Variants in ANO4 observed in about 807,000 individuals in gnomAD.
The protein encoded by ANO4 is anoctamin 4.
ANO4 carries 69 observed loss-of-function variants against 141.9 expected under a neutral mutation model. The ratio of observed to expected loss-of-function variants is 0.49; its 90% confidence interval spans 0.40 to 0.59. The LOEUF (loss-of-function observed/expected upper bound fraction) is 0.59, where lower values mean the gene tolerates loss of function less well. ANO4 is among the 20% of genes least tolerant of loss of function. The pLI is 0.00. For synonymous variants in ANO4, 350 were observed against 394.3 expected (o/e 0.89, Z 1.33); for missense variants, 894 against 1,162.2 (o/e 0.77, Z 3.36).
At chr12:101,012,076 G>A (rs2046119445) in intron 8 of ANO4, among the ~76,000 whole-genome samples, 1 of 152,052 alleles carries the variant, frequency 6.6e-6, no homozygotes, top group Admixed American at 6.6e-5. Flanking sequence ...CTGATTTTGA[G>A]AATCTTCAAA....
intron 1 of ANO4, among the ~76,000 whole-genome samples, chr12:100,897,199 T>C (rs1199521170): frequency 1.3e-5 from 2 of 152,184 alleles, no homozygotes; most frequent in Non-Finnish European, 2.9e-5. Context: ...AAGGTATTTT[T>C]GTAATGATTA....
intron 1 of ANO4, among the ~76,000 whole-genome samples, chr12:100,721,275 A>G (rs779053981): frequency 6.6e-6 from 1 of 152,188 alleles, no homozygotes; most frequent in Non-Finnish European, 1.5e-5. Flanking sequence ...CAGGGTTACT[A>G]GAACGAATAA....
chr12:100,876,160 G>A (rs2039290985), intron 1 of ANO4, among the ~76,000 whole-genome samples: 2 of 151,858 alleles, frequency 1.3e-5, no homozygotes, highest in African/African-American at 4.8e-5. Context: ...TATGTAGCTT[G>A]TCCTGGGAGG....
At chr12:100,819,493 T>C (rs376500685) in intron 1 of ANO4, among the ~76,000 whole-genome samples, 15 of 152,140 alleles carry the variant, frequency 9.9e-5, no homozygotes, top group African/African-American at 3.1e-4. Context: ...TCATCAGTGG[T>C]ATAAAAATGA....
chr12:100,783,410 C>T (rs185186222), intron 3 of ANO4, among the ~76,000 whole-genome samples: 18 of 152,278 alleles, frequency 1.2e-4, no homozygotes, highest in East Asian at 1.2e-3. Context: ...CCAGGTACCT[C>T]GTTTTGGCTG....
chr12:100,729,212 T>C (rs895025414), intron 1 of ANO4, among the ~76,000 whole-genome samples: 1 of 152,080 alleles, frequency 6.6e-6, no homozygotes, highest in South Asian at 2.1e-4. Context: ...AGCTTCACTT[T>C]AATTTTCTTT....
chr12:100,724,013 A>G (rs2030984642), intron 1 of ANO4, among the ~76,000 whole-genome samples: 1 of 105,286 alleles, frequency 9.5e-6, no homozygotes, highest in Admixed American at 1.0e-4. Context: ...AAGCAAAACA[A>G]AAACAAACAA....
intron 3 of ANO4, among the ~76,000 whole-genome samples, chr12:100,782,255 A>G (rs537963993): frequency 5.3e-5 from 8 of 152,078 alleles, no homozygotes; most frequent in African/African-American, 1.9e-4. Flanking sequence ...TCCCTCTTAC[A>G]ATCATCTAAT....
intron 1 of ANO4, among the ~76,000 whole-genome samples, chr12:100,839,969 C>T (rs2037149782): frequency 6.6e-6 from 1 of 152,098 alleles, no homozygotes; most frequent in East Asian, 1.9e-4. Flanking sequence ...TATTTGACTG[C>T]ATCAGCTAGT....
chr12:101,092,655 TC>T (rs747425610), intron 17 of ANO4, among the ~76,000 whole-genome samples: 3 of 152,174 alleles, frequency 2.0e-5, no homozygotes, highest in Non-Finnish European at 2.9e-5. Flanking sequence ...CCCTACTGTG[TC>T]CCTGTATGCT....
rs1374965586 is a variant in ANO4 at position 101,043,555 on chromosome 12, G to A, written c.1171G>A (p.Ala391Thr). 1 of 1,613,488 alleles carries A rather than the reference G, an allele frequency of 6.2e-7. No homozygotes were observed. Among genetic ancestry groups the A allele is most frequent in the South Asian group, 1.1e-5 (1 of 91,038 alleles). The change falls in exon 13 of 28, where the codon GCT becomes ACT. Residue 391 changes from alanine to threonine, a missense_variant. Physicochemically the swap from Ala to Thr is moderately conservative, Grantham distance 58 (BLOSUM62 0). Transcript: ENST00000392977. ...CTTTTCCAGTAAAGAAGTCTGCCAA[G>A]CTACAGATATCATCATGTGTCCTGT... The part of the protein sequence containing the change: ...HSQVSKEVCQ[A>T]TDIIMCPVCD...
At chr12:100,987,967 C>T (rs917533740) in intron 8 of ANO4, among the ~76,000 whole-genome samples, 5 of 152,310 alleles carry the variant, frequency 3.3e-5, no homozygotes, top group South Asian at 2.1e-4. Context: ...TCTCATTGCT[C>T]TGCCAACTCC....
intron 3 of ANO4, among the ~76,000 whole-genome samples, chr12:100,757,303 C>A (rs1189724145): frequency 1.3e-5 from 2 of 152,154 alleles, no homozygotes; most frequent in Non-Finnish European, 2.9e-5. Flanking sequence ...TCCTTGGAGT[C>A]CCTCTCATTT....
At chr12:100,751,379 C>G (rs1056473379) in intron 3 of ANO4, among the ~76,000 whole-genome samples, 2 of 152,096 alleles carry the variant, frequency 1.3e-5, no homozygotes, top group African/African-American at 4.8e-5. Flanking sequence ...TTTCCAACCC[C>G]CAGGAACTGC....
At chr12:100,769,307 C>G (rs974621160) in intron 3 of ANO4, among the ~76,000 whole-genome samples, 1 of 152,044 alleles carries the variant, frequency 6.6e-6, no homozygotes, top group Non-Finnish European at 1.5e-5. Flanking sequence ...GAAATTGATC[C>G]GAACTCTTAA....
chr12:100,935,046 A>G (rs1360720576), intron 3 of ANO4, among the ~76,000 whole-genome samples: 1 of 152,178 alleles, frequency 6.6e-6, no homozygotes, highest in Admixed American at 6.5e-5. Context: ...AACAGGGACA[A>G]TGTGACTTCC....
chr12:101,122,460 A>G (rs935986771), intron 26 of ANO4, among the ~76,000 whole-genome samples: 2 of 152,186 alleles, frequency 1.3e-5, no homozygotes, highest in Admixed American at 1.3e-4. Context: ...TTCTTTGCCC[A>G]GGCCAGTATT....
intron 9 of ANO4, among the ~76,000 whole-genome samples, chr12:101,028,704 G>C (rs1477803294): frequency 6.6e-6 from 1 of 152,154 alleles, no homozygotes; most frequent in Non-Finnish European, 1.5e-5. Flanking sequence ...ACAATTGATT[G>C]GAGTACCACC....
At chr12:100,736,893 C>A (rs1244420683) in intron 2 of ANO4, among the ~76,000 whole-genome samples, 3 of 152,164 alleles carry the variant, frequency 2.0e-5, no homozygotes, top group Non-Finnish European at 4.4e-5. Context: ...TCCTCTAGAG[C>A]CTTCAGAGAT....
Sources: gnomAD v4.1 joint callset for allele counts (sites outside exome capture counted in the v4.1 genomes callset) on GRCh38, gnomAD v4.1.1 for gene constraint, MANE v1.5 for transcripts, NCBI Gene and HGNC (gene_info 2026-07-23, HGNC 2026-07-21) for gene names.